NXPE2: variants seen among roughly 807,000 people sequenced by gnomAD.
NXPE2 encodes the protein neurexophilin and PC-esterase domain family member 2.
In NXPE2, 34 loss-of-function variants were observed where a neutral mutation model predicts 34.4. The ratio of observed to expected loss-of-function variants is 0.99; its 90% CI spans 0.75 to 1.31. The LOEUF is 1.31. NXPE2 is among the 40% of genes most tolerant of loss of function. The pLI, the probability that NXPE2 is intolerant of heterozygous loss-of-function variation, is 0.00. For missense variants in NXPE2, 649 were observed against 672.5 expected (o/e 0.97, Z 0.39); for synonymous variants, 235 against 231.3 (o/e 1.02, Z -0.15).
chr11:114,693,233 A>G (rs879599887), intron 2 of NXPE2, among the ~76,000 whole-genome samples: 6 of 152,154 alleles, frequency 3.9e-5, no homozygotes, highest in Non-Finnish European at 8.8e-5. Flanking sequence ...CTCCTTCAGG[A>G]TGGGAAACCT....
At chr11:114,658,334 G>A in the NXPE2 span, among the ~76,000 whole-genome samples, 1 of 152,198 alleles carries the variant, frequency 6.6e-6, no homozygotes, top group Non-Finnish European at 1.5e-5. Flanking sequence ...AAGGCTGAAT[G>A]TGGGCTAGTA....
At chr11:114,627,980 T>G in the NXPE2 span, among the ~76,000 whole-genome samples, 1 of 151,866 alleles carries the variant, frequency 6.6e-6, no homozygotes, top group African/African-American at 2.4e-5. Context: ...CTATCCTAAA[T>G]ATATATGGAC....
At chr11:114,602,645 T>C in the NXPE2 span, among the ~76,000 whole-genome samples, 1 of 141,788 alleles carries the variant, frequency 7.1e-6, no homozygotes, top group South Asian at 2.3e-4. Context: ...TCATATATAA[T>C]AATTTTCTCA....
chr11:114,766,797 C>A, the NXPE2 span, among the ~76,000 whole-genome samples: 36 of 152,136 alleles, frequency 2.4e-4, no homozygotes, highest in Admixed American at 5.9e-4. Flanking sequence ...ATATGTTATT[C>A]TTTTCTTTCC....
chr11:114,560,025 G>C, the NXPE2 span: 1 of 152,214 alleles, frequency 6.6e-6, no homozygotes, highest in Non-Finnish European at 1.5e-5. Context: ...CTGTTAACTG[G>C]GTGTTACTCG....
the NXPE2 span, among the ~76,000 whole-genome samples, chr11:114,772,654 C>T: frequency 3.9e-5 from 6 of 152,186 alleles, no homozygotes; most frequent in South Asian, 2.1e-4. Context: ...AAGAGGGAAA[C>T]GCCATGGACA....
the NXPE2 span, among the ~76,000 whole-genome samples, chr11:114,740,323 A>G: frequency 3.3e-5 from 5 of 152,158 alleles, no homozygotes; most frequent in Non-Finnish European, 7.4e-5. Flanking sequence ...TGTGTGTATC[A>G]CATTTTCTTT....
At chr11:114,690,244 T>C (rs546685332) in intron 2 of NXPE2, among the ~76,000 whole-genome samples, 1 of 152,296 alleles carries the variant, frequency 6.6e-6, no homozygotes, top group East Asian at 1.9e-4. Context: ...TTTATTTCCA[T>C]ATTTAGAACT....
At chr11:114,641,278 T>A in the NXPE2 span, among the ~76,000 whole-genome samples, 1 of 151,922 alleles carries the variant, frequency 6.6e-6, no homozygotes, top group Admixed American at 6.6e-5. Context: ...ATCTATATTT[T>A]AAAAATTCCA....
chr11:114,552,297 A>C, the NXPE2 span, among the ~76,000 whole-genome samples: 2 of 152,164 alleles, frequency 1.3e-5, no homozygotes, highest in African/African-American at 4.8e-5. Context: ...GACCAAATGA[A>C]TGAATACAGA....
chr11:114,677,648 G>A (rs533663161), upstream of NXPE2, among the ~76,000 whole-genome samples: 1 of 152,104 alleles, frequency 6.6e-6, no homozygotes, highest in Admixed American at 6.6e-5. Flanking sequence ...AGACATGGAG[G>A]GATATATGGT....
the NXPE2 span, among the ~76,000 whole-genome samples, chr11:114,561,470 C>T: frequency 1.3e-5 from 2 of 152,162 alleles, no homozygotes; most frequent in Admixed American, 6.6e-5. Flanking sequence ...GTTTCTAAAA[C>T]CTACTCCTCA....
intron 2 of NXPE2, among the ~76,000 whole-genome samples, chr11:114,694,885 A>G (rs1951219714): frequency 6.6e-6 from 1 of 152,036 alleles, no homozygotes. Flanking sequence ...TACCTCAATC[A>G]TAGTTATTTT....
At chr11:114,671,479 C>A in the NXPE2 span, among the ~76,000 whole-genome samples, 1 of 151,588 alleles carries the variant, frequency 6.6e-6, no homozygotes. Context: ...AAATCCACAC[C>A]CAGACACATC....
At chr11:114,474,150 T>G in the NXPE2 span, among the ~76,000 whole-genome samples, 1 of 152,104 alleles carries the variant, frequency 6.6e-6, no homozygotes, top group African/African-American at 2.4e-5. Context: ...TAAGGAGAGA[T>G]ATAGAATAGA....
chr11:114,604,755 C>T, the NXPE2 span, among the ~76,000 whole-genome samples: 1 of 151,694 alleles, frequency 6.6e-6, no homozygotes, highest in Non-Finnish European at 1.5e-5. Context: ...AGTATTGCCT[C>T]ATTGGTAACC....
the NXPE2 span, among the ~76,000 whole-genome samples, chr11:114,795,451 G>T: frequency 6.6e-6 from 1 of 152,146 alleles, no homozygotes; most frequent in African/African-American, 2.4e-5. Flanking sequence ...AACACAATAG[G>T]ATCCTGCCTA....
chr11:114,530,101 G>C, the NXPE2 span: 1 of 1,424,752 alleles, frequency 7.0e-7, no homozygotes, highest in Non-Finnish European at 9.5e-7. Context: ...GCTCAATGTT[G>C]CAATGGGCAA....
chr11:114,617,520 G>A, the NXPE2 span, among the ~76,000 whole-genome samples: 44 of 152,046 alleles, frequency 2.9e-4, no homozygotes, highest in East Asian at 3.9e-4. Context: ...TGGATAATAC[G>A]TGTTGCCTCG....
Sources: gnomAD v4.1 joint callset for allele counts (sites outside exome capture counted in the v4.1 genomes callset) on GRCh38, gnomAD v4.1.1 for gene constraint, MANE v1.5 for transcripts, NCBI Gene and HGNC (gene_info 2026-07-23, HGNC 2026-07-21) for gene names.